Variants in RARB observed in about 807,000 individuals in gnomAD.
RARB encodes the protein retinoic acid receptor beta, also known as HBV-activated protein.
Under a neutral mutation model 51.9 loss-of-function variants are expected in RARB, and 17 were observed. That is an observed-to-expected ratio of 0.33 (90% CI 0.22 to 0.49). The LOEUF (loss-of-function observed/expected upper bound fraction) is 0.49. Ranked by LOEUF, RARB falls within the 20% of genes least tolerant of loss-of-function variation. The probability of loss-of-function intolerance (pLI) is 0.99; values close to 1 mark genes in which losing one functional copy is unlikely to be tolerated. For missense variants in RARB, 369 were observed against 550.8 expected (o/e 0.67, Z 3.30); for synonymous variants, 215 against 195.4 (o/e 1.10, Z -0.84).
At chr3:25,584,015 C>T (rs1421573035) in intron 5 of RARB, among the ~76,000 whole-genome samples, 1 of 152,144 alleles carries the variant, frequency 6.6e-6, no homozygotes, top group East Asian at 1.9e-4. Flanking sequence ...GCCTTTTCTT[C>T]CACTCTCTCT....
chr3:24,838,720 G>A (rs1702378023), intron 1 of RARB, among the ~76,000 whole-genome samples: 1 of 152,188 alleles, frequency 6.6e-6, no homozygotes, highest in Admixed American at 6.6e-5. Flanking sequence ...ACATTCAAAT[G>A]CCTTCAGGAG....
chr3:24,864,764 C>T (rs921231367), intron 2 of RARB, among the ~76,000 whole-genome samples: 1 of 152,096 alleles, frequency 6.6e-6, no homozygotes, highest in Non-Finnish European at 1.5e-5. Flanking sequence ...CCTGCAAAGA[C>T]TAAAAAATTT....
At chr3:25,002,269 T>A (rs1026186013) in intron 2 of RARB, among the ~76,000 whole-genome samples, 12 of 152,202 alleles carry the variant, frequency 7.9e-5, no homozygotes, top group African/African-American at 2.7e-4. Flanking sequence ...AGGCTTCCTG[T>A]CAGCTTCAGG....
chr3:25,210,320 G>A (rs915134658), intron 5 of RARB, among the ~76,000 whole-genome samples: 8 of 152,110 alleles, frequency 5.3e-5, no homozygotes, highest in African/African-American at 1.4e-4. Flanking sequence ...AAAATTTATA[G>A]GTTAGGAGTA....
intron 2 of RARB, among the ~76,000 whole-genome samples, chr3:25,046,889 T>G (rs1698229134): frequency 6.6e-6 from 1 of 152,234 alleles, no homozygotes; most frequent in African/African-American, 2.4e-5. Flanking sequence ...TGCTTGCTAA[T>G]TTTTTAAGAG....
In RARB at chr3:25,228,972, G is replaced by C. The variant is rs150113038; in HGVS notation, c.178+54397G>C. ...TCCTCTACAATATGCTCTCCTTGTT[G>C]CAGGAGCCAGAACTCTACAAGGATG... is the stretch of plus-strand genomic sequence containing the variant. On this transcript the variant is annotated intron_variant, in intron 5 of 11. Coordinates refer to the RARB transcript ENST00000383772. Among the ~76,000 whole-genome samples, 332 of 152,000 alleles carry C rather than the reference G, an allele frequency of 2.2e-3. 1 individual carries two copies. Among genetic ancestry groups the C allele is most frequent in the African/African-American group, 6.3e-3 (262 of 41,472 alleles).
chr3:25,421,681 G>C (rs1034068229), intron 5 of RARB, among the ~76,000 whole-genome samples: 1 of 152,106 alleles, frequency 6.6e-6, no homozygotes, highest in East Asian at 1.9e-4. Context: ...TGGGATTACA[G>C]GCGTGAGCCA....
chr3:25,405,395 A>G (rs1707378724), intron 5 of RARB, among the ~76,000 whole-genome samples: 2 of 152,324 alleles, frequency 1.3e-5, no homozygotes, highest in South Asian at 4.1e-4. Flanking sequence ...AAACAAAATG[A>G]CAGCCATGAA....
intron 5 of RARB, among the ~76,000 whole-genome samples, chr3:25,356,739 CTAATTA>C (rs1705750884): frequency 1.3e-5 from 2 of 152,210 alleles, no homozygotes; most frequent in South Asian, 4.2e-4. Context: ...TGTTCAACTC[CTAATTA>C]TGAGTGAGAA....
rs111406810 is a variant in RARB at position 25,234,441 on chromosome 3, G to A, written c.178+59866G>A. ...GTCTGGCTAGATGCTTAACAGTTTT[G>A]TTGATCCTTTTAAAAACACAGCTTT... On this transcript the variant is annotated intron_variant, in intron 5 of 11. Coordinates refer to the RARB transcript ENST00000383772. Among the ~76,000 whole-genome samples the A allele has an allele frequency of 5.6e-3, 855 of 152,124 alleles. 13 individuals are homozygous for A. Among genetic ancestry groups the A allele is most frequent in the African/African-American group, 0.018 (756 of 41,518 alleles).
chr3:25,305,804 A>AG (rs1704140681), intron 5 of RARB, among the ~76,000 whole-genome samples: 1 of 152,208 alleles, frequency 6.6e-6, no homozygotes, highest in African/African-American at 2.4e-5. Context: ...AATAAGGAAA[A>AG]GGGACTTTGG....
intron 4 of RARB, among the ~76,000 whole-genome samples, chr3:25,137,344 T>C (rs1352934700): frequency 6.6e-6 from 1 of 152,110 alleles, no homozygotes; most frequent in Non-Finnish European, 1.5e-5. Context: ...AATGGTGAAA[T>C]GCACATCAGT....
intron 2 of RARB, among the ~76,000 whole-genome samples, chr3:25,045,384 C>CGA (rs1559446048): frequency 1.3e-5 from 2 of 152,070 alleles, no homozygotes; most frequent in Admixed American, 6.5e-5. Context: ...GAGGCCCTTC[C>CGA]GAGAGAGAAA....
At chr3:25,213,836 A>G (rs1489167175) in intron 5 of RARB, among the ~76,000 whole-genome samples, 1 of 152,242 alleles carries the variant, frequency 6.6e-6, no homozygotes, top group Non-Finnish European at 1.5e-5. Flanking sequence ...TGTAATGATT[A>G]AAGTCTGGAC....
chr3:25,071,061 G>T (rs753249393), intron 3 of RARB, among the ~76,000 whole-genome samples: 20 of 152,128 alleles, frequency 1.3e-4, no homozygotes, highest in Non-Finnish European at 2.5e-4. Context: ...AGTGCAAAAT[G>T]GAGACACTAA....
At chr3:25,149,709 T>C (rs552961601) in intron 4 of RARB, among the ~76,000 whole-genome samples, 20 of 152,332 alleles carry the variant, frequency 1.3e-4, no homozygotes, top group African/African-American at 4.6e-4. Context: ...ATGTATAACG[T>C]ACCCTGTCTC....
At chr3:25,212,212 G>T (rs543940795) in intron 5 of RARB, among the ~76,000 whole-genome samples, 1 of 152,264 alleles carries the variant, frequency 6.6e-6, no homozygotes, top group South Asian at 2.1e-4. Flanking sequence ...AAAGGAAAAT[G>T]AAAATGTACC....
In RARB at chr3:25,597,399, T is replaced by TAAC. The variant is rs1450085032; in HGVS notation, c.*784_*786dup. 1 of 127,182 alleles carries TAAC rather than the reference T, an allele frequency of 7.9e-6. No individual in the cohort carries two copies. The highest frequency in any genetic ancestry group is 7.6e-5 in the Admixed American group (1 of 13,104). The allele number at this position is 127,182 out of a possible 1,614,324, so 7.9% of individuals were successfully genotyped here. A position where few individuals can be genotyped will look rare whatever the true frequency, so the allele number is the denominator to read the frequency against. ...GTGGTTTATTACTTGTTTAATGACA[T>TAAC]AACTACACAGTTAGTTAAAAAAAAT... On this transcript the variant is annotated 3_prime_UTR_variant, in exon 8 of 8. Transcript: ENST00000330688.
intron 2 of RARB, among the ~76,000 whole-genome samples, chr3:24,952,882 TTG>T (rs376629747): frequency 6.3e-4 from 93 of 147,736 alleles, no homozygotes; most frequent in African/African-American, 1.8e-3. Context: ...GGTATTTTTT[TTG>T]TTTGTTTGTT....
Sources: allele counts gnomAD v4.1 joint callset (sites outside exome capture counted in the v4.1 genomes callset), GRCh38; gene constraint gnomAD v4.1.1; transcripts MANE v1.5; gene names NCBI Gene and HGNC (gene_info 2026-07-23, HGNC 2026-07-21).